Variants in TTC12 observed in about 807,000 individuals in gnomAD.
TTC12 encodes the protein tetratricopeptide repeat protein 12.
In TTC12, 70 loss-of-function variants were observed where a neutral mutation model predicts 90.1. The ratio of observed to expected loss-of-function variants is 0.78; its 90% CI spans 0.64 to 0.95. TTC12 has a LOEUF of 0.95. TTC12 is among the 40% of genes least tolerant of loss of function. The pLI is 0.00. For synonymous variants in TTC12, 296 were observed against 311.5 expected, an observed-to-expected ratio of 0.95 and a Z score of 0.53; for missense variants, 819 against 846.1, an observed-to-expected ratio of 0.97 and a Z score of 0.40.
intron 3 of TTC12, among the ~76,000 whole-genome samples, 196 bp from the exon 4 acceptor site, chr11:113,323,798 G>A (rs139220283): frequency 7.2e-4 from 110 of 152,218 alleles, no homozygotes; most frequent in African/African-American, 2.5e-3. Flanking sequence ...TGCAGACTCG[G>A]TCCCATAGCA....
chr11:113,328,672 T>A (rs575115174), intron 6 of TTC12, among the ~76,000 whole-genome samples: 2 of 152,298 alleles, frequency 1.3e-5, no homozygotes, highest in East Asian at 3.9e-4. Flanking sequence ...TAGTACACAA[T>A]TTAATGGAAT....
At chr11:113,344,220 G>C (rs1948824549) in intron 12 of TTC12, 52 bp from the exon 13 acceptor site, 1 of 1,563,136 alleles carries the variant, frequency 6.4e-7, no homozygotes, top group Non-Finnish European at 8.7e-7. Context: ...GACAGAGCTA[G>C]TTTAATTGCC....
intron 21 of TTC12, chr11:113,371,594 G>A (rs1304902447): frequency 3.3e-5 from 5 of 152,064 alleles, no homozygotes; most frequent in African/African-American, 9.7e-5. Flanking sequence ...GACTCAGAAA[G>A]GCCAAGTGAA....
In TTC12 at chr11:113,365,075, C is replaced by G. The variant is rs966833334; in HGVS notation, c.2042+15C>G. 1 of 1,608,622 alleles carries G rather than the reference C, an allele frequency of 6.2e-7. No homozygotes were observed. Among genetic ancestry groups the G allele is most frequent in the Non-Finnish European group, 8.5e-7 (1 of 1,175,662 alleles). On this transcript the variant is annotated intron_variant, in intron 21 of 21. Transcript: ENST00000529221. ...GCTGAGCCCAGGTATGCTGTGGACA[C>G]GGAGCCAGGCTGACCTATTGCAGAA...
chr11:113,338,711 AGT>A, intron 8 of TTC12, 61 bp from the exon 9 acceptor site: 1 of 1,315,064 alleles, frequency 7.6e-7, no homozygotes, highest in Non-Finnish European at 1.1e-6. Context: ...AATGACACCC[AGT>A]GTCTTTCTCA....
At chr11:113,353,919 T>C (rs544595451) in intron 16 of TTC12, among the ~76,000 whole-genome samples, 5 of 152,338 alleles carry the variant, frequency 3.3e-5, no homozygotes, top group African/African-American at 1.2e-4. Context: ...TTGTTCTTTT[T>C]GCTTAGGATT....
At chr11:113,335,754 T>C (rs543355120) in intron 8 of TTC12, among the ~76,000 whole-genome samples, 1 of 152,346 alleles carries the variant, frequency 6.6e-6, no homozygotes, top group Admixed American at 6.5e-5. Flanking sequence ...TGTGTATCAG[T>C]TCTTCATTCC....
At chr11:113,348,952 A>G (rs1297241550) in intron 13 of TTC12, among the ~76,000 whole-genome samples, 1 of 152,244 alleles carries the variant, frequency 6.6e-6, no homozygotes, top group Non-Finnish European at 1.5e-5. Context: ...CTATGCCCAC[A>G]TAGTCTGTGA....
At position 113,324,686 on chromosome 11, in the gene TTC12, A is replaced by AT. The variant is rs1565575180; in HGVS notation, c.322+6dup. ...GAAAACAAAGTCTTGGCGGATGGTA[A>AT]TTGTCAGTCCTTACTTTTCAATGGC... On this transcript the variant is annotated splice_donor_region_variant and intron_variant, in intron 5 of 21. Transcript: ENST00000529221. 2 of 1,613,120 alleles carry AT rather than the reference A, an allele frequency of 1.2e-6. No homozygotes were observed. Among genetic ancestry groups the AT allele is most frequent in the Middle Eastern group, 1.6e-4 (1 of 6,062 alleles).
chr11:113,348,090 G>A (rs1202249643), intron 13 of TTC12, among the ~76,000 whole-genome samples: 2 of 152,146 alleles, frequency 1.3e-5, no homozygotes, highest in Admixed American at 6.5e-5. Flanking sequence ...TCGTCAAGAG[G>A]CAAAGGGTGT....
chr11:113,338,886 C>T (rs1174754497), intron 9 of TTC12, 52 bp downstream of exon 9: 5 of 1,539,660 alleles, frequency 3.2e-6, no homozygotes, highest in Admixed American at 1.7e-5. Context: ...TCCCTCTGCC[C>T]CCTGCCTTAG....
intron 7 of TTC12, among the ~76,000 whole-genome samples, chr11:113,333,301 G>A (rs1948166516): frequency 6.6e-6 from 1 of 151,950 alleles, no homozygotes; most frequent in Non-Finnish European, 1.5e-5. Context: ...TTCTTGCCCA[G>A]CCCACTCTCC....
chr11:113,326,057 C>T (rs368672095), intron 6 of TTC12, among the ~76,000 whole-genome samples: 9 of 152,262 alleles, frequency 5.9e-5, no homozygotes, highest in South Asian at 2.1e-4. Flanking sequence ...TAACTCCTAG[C>T]GGATGCCCAC....
chr11:113,338,626 C>A, intron 8 of TTC12, 148 bp from the exon 9 acceptor site: 1 of 537,926 alleles, frequency 1.9e-6, no homozygotes, highest in Non-Finnish European at 3.3e-6. Context: ...GTCAAATGCA[C>A]ATTGTGTTCC....
intron 7 of TTC12, among the ~76,000 whole-genome samples, chr11:113,330,233 T>C (rs1947967466): frequency 1.3e-5 from 2 of 152,232 alleles, no homozygotes; most frequent in Admixed American, 1.3e-4. Context: ...GCTCCTTCTT[T>C]ACTATTGTGT....
chr11:113,353,314 G>A (rs555752878), intron 16 of TTC12, among the ~76,000 whole-genome samples: 3 of 152,192 alleles, frequency 2.0e-5, no homozygotes, highest in Admixed American at 6.5e-5. Context: ...TAATGGGGTA[G>A]TTTATTTTTC....
chr11:113,322,812 A>G (rs1204931926), intron 2 of TTC12, among the ~76,000 whole-genome samples: 1 of 152,150 alleles, frequency 6.6e-6, no homozygotes, highest in Non-Finnish European at 1.5e-5. Flanking sequence ...CTGCTGAGTG[A>G]TTGACCATGG....
intron 2 of TTC12, among the ~76,000 whole-genome samples, chr11:113,321,679 G>C (rs542107217): frequency 6.6e-6 from 1 of 152,236 alleles, no homozygotes; most frequent in Non-Finnish European, 1.5e-5. Context: ...ATCTGGGTTG[G>C]CCATGTGTGT....
intron 7 of TTC12, among the ~76,000 whole-genome samples, chr11:113,332,634 C>T (rs1555142895): frequency 6.6e-6 from 1 of 152,068 alleles, no homozygotes; most frequent in Non-Finnish European, 1.5e-5. Context: ...GCTCTCTTCT[C>T]CTCTCATGGG....
Sources: gnomAD v4.1 joint callset for allele counts (sites outside exome capture counted in the v4.1 genomes callset) on GRCh38, gnomAD v4.1.1 for gene constraint, MANE v1.5 for transcripts, NCBI Gene and HGNC (gene_info 2026-07-23, HGNC 2026-07-21) for gene names.